EVA1A: variants seen among roughly 807,000 people sequenced by gnomAD.
EVA1A encodes eva-1 homolog A, regulator of programmed cell death, also known as protein eva-1 homolog A.
EVA1A carries 7 observed loss-of-function variants against 9.8 expected under a neutral mutation model. The observed-to-expected ratio is 0.71, with a 90% CI of 0.41 to 1.34. The LOEUF (loss-of-function observed/expected upper bound fraction) is 1.34. EVA1A is among the 40% of genes most tolerant of loss of function. The pLI is 0.01. For synonymous variants in EVA1A, 90 were observed against 85.6 expected (o/e 1.05, Z -0.28); for missense variants, 206 against 205.9 (o/e 1.00, Z 0.00).
At chr2:75,515,355 G>C (rs1015411082) in intron 3 of EVA1A, among the ~76,000 whole-genome samples, 1 of 152,218 alleles carries the variant, frequency 6.6e-6, no homozygotes, top group Non-Finnish European at 1.5e-5. Context: ...TAAACAGGGA[G>C]ATTAAGGTAT....
intron 1 of EVA1A, chr2:75,541,684 C>G (rs562583931): frequency 3.9e-5 from 6 of 153,202 alleles, no homozygotes; most frequent in African/African-American, 1.4e-4. Flanking sequence ...CCCTCCAGCT[C>G]AACATGTTCT....
At chr2:75,509,765 G>C (rs10176078) in intron 3 of EVA1A, among the ~76,000 whole-genome samples, 28,403 of 151,974 alleles carry the variant, frequency 0.19, 3,031 homozygotes, top group African/African-American at 0.28. Context: ...ATAATACTTT[G>C]AGGTAATCTC....
chr2:75,516,748 C>T (rs147280987), intron 3 of EVA1A, among the ~76,000 whole-genome samples: 24 of 152,192 alleles, frequency 1.6e-4, no homozygotes, highest in Non-Finnish European at 2.6e-4. Context: ...ACCCTCTCTG[C>T]CAGCCCCACT....
At chr2:75,563,799 T>C (rs1676968876), upstream of EVA1A, among the ~76,000 whole-genome samples, 1 of 152,204 alleles carries the variant, frequency 6.6e-6, no homozygotes, top group Non-Finnish European at 1.5e-5. Flanking sequence ...AAACTCTCTG[T>C]GCCTCATTTT....
intron 1 of EVA1A, among the ~76,000 whole-genome samples, chr2:75,566,357 C>G (rs558588516): frequency 1.4e-5 from 2 of 146,276 alleles, no homozygotes; most frequent in East Asian, 4.3e-4. Flanking sequence ...GTTCTCCAGG[C>G]CTTGTCTTTT....
upstream of EVA1A, among the ~76,000 whole-genome samples, chr2:75,565,876 T>A (rs187066303): frequency 1.8e-4 from 27 of 152,374 alleles, no homozygotes; most frequent in East Asian, 5.2e-3. Flanking sequence ...GCCCTACAGT[T>A]ATTTCCTATC....
rs1676894444 is a variant in EVA1A, at chr2:75,560,685, C to G, written c.-197G>C. The G allele has an allele frequency of 6.6e-6, 1 of 152,258 alleles. No homozygotes were observed. Among genetic ancestry groups the G allele is most frequent in the South Asian group, 2.1e-4 (1 of 4,832 alleles). The allele number at this position is 152,258 out of a possible 1,614,324, so 9.4% of individuals were successfully genotyped here. A position where few individuals can be genotyped will look rare whatever the true frequency, so the allele number is the denominator to read the frequency against. On this transcript the variant is annotated 5_prime_UTR_variant, in exon 1 of 4. Transcript: ENST00000393913. ...CGCTCTCGGGCACCTCTTACCTTTG[C>G]TGGGGCCCCGGCGCGCACTTCCGGG...
chr2:75,531,909 C>T (rs1230528278), intron 1 of EVA1A, among the ~76,000 whole-genome samples: 2 of 152,080 alleles, frequency 1.3e-5, no homozygotes, highest in African/African-American at 4.8e-5. Flanking sequence ...CCTGTAATCC[C>T]AGCACTTTGG....
intron 3 of EVA1A, among the ~76,000 whole-genome samples, chr2:75,506,282 A>T (rs1206390547): frequency 6.6e-6 from 1 of 152,224 alleles, no homozygotes; most frequent in African/African-American, 2.4e-5. Context: ...GATTCTCAGG[A>T]AAGGAATCTC....
intron 1 of EVA1A, among the ~76,000 whole-genome samples, chr2:75,522,719 T>A (rs76381176): frequency 0.024 from 3,717 of 152,276 alleles, 146 homozygotes; most frequent in African/African-American, 0.085. Flanking sequence ...CCAGAAAGGA[T>A]GCAAGAGGTA....
In EVA1A at chr2:75,535,924, T is replaced by C. The variant is rs112789335; in HGVS notation, c.-191-13437A>G. ...CAAAAAATACTTGTACCTCTAAAGCTATTGAAATAAAATGTTTTTAAAAAA... is the reference window on the plus strand; with the variant it reads ...CAAAAAATACTTGTACCTCTAAAGCCATTGAAATAAAATGTTTTTAAAAAA... On this transcript the variant is annotated intron_variant, in intron 1 of 3. Transcript: ENST00000393913. Among the ~76,000 whole-genome samples, 989 of 152,292 alleles carry C rather than the reference T, an allele frequency of 6.5e-3. 6 individuals are homozygous for C. Among genetic ancestry groups the C allele is most frequent in the African/African-American group, 0.022 (931 of 41,558 alleles).
intron 1 of EVA1A, chr2:75,526,314 A>C (rs1207979238): frequency 1.3e-5 from 2 of 152,238 alleles, no homozygotes; most frequent in Non-Finnish European, 2.9e-5. Flanking sequence ...CTTCATAGAG[A>C]GGTAACATTC....
chr2:75,552,176 A>C (rs1476383459), intron 1 of EVA1A, among the ~76,000 whole-genome samples: 1 of 125,498 alleles, frequency 8.0e-6, no homozygotes, highest in Non-Finnish European at 1.7e-5. Flanking sequence ...ACAAAGTGAG[A>C]CTCTGTCTCT....
chr2:75,553,420 A>G (rs1413070550), intron 1 of EVA1A, among the ~76,000 whole-genome samples: 1 of 152,258 alleles, frequency 6.6e-6, no homozygotes, highest in Admixed American at 6.5e-5. Context: ...ACTTACTGTA[A>G]TGAGAGATGG....
chr2:75,563,950 A>G (rs367932333), upstream of EVA1A, among the ~76,000 whole-genome samples: 11 of 152,352 alleles, frequency 7.2e-5, no homozygotes, highest in East Asian at 1.9e-3. Flanking sequence ...ATTTATTCTA[A>G]GATGAGAGGG....
intron 1 of EVA1A, among the ~76,000 whole-genome samples, chr2:75,546,236 T>C (rs999873241): frequency 2.6e-5 from 4 of 152,198 alleles, no homozygotes; most frequent in Non-Finnish European, 5.9e-5. Flanking sequence ...TCTATTTGCT[T>C]GTGTGGCCTC....
intron 1 of EVA1A, among the ~76,000 whole-genome samples, chr2:75,567,683 G>A (rs114713277): frequency 0.011 from 1,641 of 152,262 alleles, 10 homozygotes; most frequent in Non-Finnish European, 0.019. Flanking sequence ...TCTAGAACAC[G>A]GTTTCCTTAT....
chr2:75,557,204 G>A (rs559304811), intron 1 of EVA1A, among the ~76,000 whole-genome samples: 1 of 152,358 alleles, frequency 6.6e-6, no homozygotes, highest in African/African-American at 2.4e-5. Context: ...GTGTAAGGCA[G>A]TCTAGCCCAC....
chr2:75,560,038 C>A (rs1676867968), intron 1 of EVA1A, among the ~76,000 whole-genome samples: 1 of 152,214 alleles, frequency 6.6e-6, no homozygotes, highest in South Asian at 2.1e-4. Flanking sequence ...CCTCCCCTTA[C>A]CCCTCAATAG....
Sources: gnomAD v4.1 joint callset for allele counts (sites outside exome capture counted in the v4.1 genomes callset) on GRCh38, gnomAD v4.1.1 for gene constraint, MANE v1.5 for transcripts, NCBI Gene and HGNC (gene_info 2026-07-23, HGNC 2026-07-21) for gene names.